FARS2: variants seen among roughly 807,000 people sequenced by gnomAD.
FARS2 encodes the protein phenylalanine--tRNA ligase, mitochondrial.
A neutral mutation model predicts 46.4 loss-of-function variants in FARS2; 40 were observed. The observed-to-expected ratio is 0.86, with a 90% CI of 0.67 to 1.12. The LOEUF (loss-of-function observed/expected upper bound fraction) is 1.12. FARS2 is among the 50% of genes most tolerant of loss of function. FARS2 has a pLI of 0.00. For missense variants in FARS2, 513 were observed against 567.9 expected, an observed-to-expected ratio of 0.90 and a Z score of 0.98; for synonymous variants, 234 against 214.9, an observed-to-expected ratio of 1.09 and a Z score of -0.78.
At chr6:5,467,202 T>C (rs1332260188) in intron 4 of FARS2, 2 of 480,676 alleles carry the variant, frequency 4.2e-6, no homozygotes, top group African/African-American at 4.2e-5. Flanking sequence ...AATAATTTAT[T>C]TTTTATTTTT....
At chr6:5,627,901 G>A (rs955942024) in intron 6 of FARS2, among the ~76,000 whole-genome samples, 31 of 152,152 alleles carry the variant, frequency 2.0e-4, no homozygotes, top group African/African-American at 7.5e-4. Flanking sequence ...TCTTGAAAGG[G>A]AGAAACTGAC....
chr6:5,672,103 G>C (rs1041699782), intron 6 of FARS2, among the ~76,000 whole-genome samples: 1 of 152,198 alleles, frequency 6.6e-6, no homozygotes, highest in South Asian at 2.1e-4. Context: ...GGAATCAGTC[G>C]GTAGCCGTGG....
intron 6 of FARS2, among the ~76,000 whole-genome samples, chr6:5,649,051 C>A (rs1215679205): frequency 6.6e-6 from 1 of 152,210 alleles, no homozygotes; most frequent in Non-Finnish European, 1.5e-5. Context: ...AGACTTACTA[C>A]AAAATGTCTT....
At chr6:5,260,517 C>A, upstream of FARS2, 5 of 1,260,336 alleles carry the variant, frequency 4.0e-6, no homozygotes, top group East Asian at 7.6e-5. Flanking sequence ...ATGGCGGAGC[C>A]CGGTCCTTGC....
chr6:5,301,846 C>CACACAA, intron 1 of FARS2, among the ~76,000 whole-genome samples: 1 of 143,366 alleles, frequency 7.0e-6, no homozygotes, highest in Non-Finnish European at 1.5e-5. Flanking sequence ...CACACACACA[C>CACACAA]AAAGAAAATG....
At chr6:5,495,669 A>C (rs1177320360) in intron 4 of FARS2, among the ~76,000 whole-genome samples, 1 of 152,214 alleles carries the variant, frequency 6.6e-6, no homozygotes, top group Non-Finnish European at 1.5e-5. Context: ...GATCATTAGA[A>C]AGTTTTATCC....
intron 4 of FARS2, among the ~76,000 whole-genome samples, chr6:5,479,572 C>A (rs570855309): frequency 6.6e-6 from 1 of 152,280 alleles, no homozygotes; most frequent in South Asian, 2.1e-4. Context: ...TCTTTCTGAT[C>A]CATAACTTCT....
chr6:5,489,182 G>A (rs1395357796), intron 4 of FARS2, among the ~76,000 whole-genome samples: 14 of 152,120 alleles, frequency 9.2e-5, no homozygotes, highest in East Asian at 5.8e-4. Flanking sequence ...GGCTGGGTGC[G>A]GTGGCTCACA....
intron 4 of FARS2, among the ~76,000 whole-genome samples, chr6:5,493,593 C>G (rs1015754430): frequency 6.6e-6 from 1 of 152,154 alleles, no homozygotes; most frequent in Non-Finnish European, 1.5e-5. Flanking sequence ...TAACTTCTAG[C>G]TGTATTGCCA....
At chr6:5,659,036 C>CCATTCT (rs1777728616) in intron 6 of FARS2, among the ~76,000 whole-genome samples, 1 of 152,194 alleles carries the variant, frequency 6.6e-6, no homozygotes, top group South Asian at 2.1e-4. Context: ...CCGCGTTGGA[C>CCATTCT]TACAGTTGTT....
intron 1 of FARS2, among the ~76,000 whole-genome samples, chr6:5,310,078 A>AATTAGATTATC (rs1282867802): frequency 6.6e-6 from 1 of 152,200 alleles, no homozygotes; most frequent in Non-Finnish European, 1.5e-5. Flanking sequence ...ATGGACCTGA[A>AATTAGATTATC]ATTAGATTAT....
intron 5 of FARS2, among the ~76,000 whole-genome samples, chr6:5,571,115 A>G (rs942422949): frequency 6.6e-6 from 1 of 152,258 alleles, no homozygotes; most frequent in Non-Finnish European, 1.5e-5. Flanking sequence ...AAAGGCAAAT[A>G]TGCAGCCGTT....
At chr6:5,283,506 G>A (rs1052031214) in intron 1 of FARS2, among the ~76,000 whole-genome samples, 4 of 145,474 alleles carry the variant, frequency 2.7e-5, no homozygotes, top group Admixed American at 7.0e-5. Context: ...CTGAGATTGC[G>A]CCACTGCACT....
At chr6:5,353,959 G>A (rs907298692) in intron 1 of FARS2, among the ~76,000 whole-genome samples, 2 of 147,788 alleles carry the variant, frequency 1.4e-5, no homozygotes, top group African/African-American at 2.5e-5. Flanking sequence ...TTTTTTAAAA[G>A]TGATTTCTTG....
At chr6:5,293,892 G>A (rs1767670137) in intron 1 of FARS2, among the ~76,000 whole-genome samples, 1 of 152,138 alleles carries the variant, frequency 6.6e-6, no homozygotes, top group African/African-American at 2.4e-5. Context: ...GAGGTGGCAG[G>A]TCTGCCACAG....
chr6:5,600,425 TA>T (rs1458001931), intron 5 of FARS2, among the ~76,000 whole-genome samples: 1 of 152,074 alleles, frequency 6.6e-6, no homozygotes, highest in African/African-American at 2.4e-5. Context: ...AAAGTAAGAA[TA>T]AAAACAAAAA....
intron 1 of FARS2, among the ~76,000 whole-genome samples, chr6:5,357,726 A>G (rs746564588): frequency 6.6e-5 from 10 of 152,250 alleles, no homozygotes; most frequent in Non-Finnish European, 1.2e-4. Flanking sequence ...CAATGGAAAT[A>G]GCAGGGGTGG....
intron 2 of FARS2, among the ~76,000 whole-genome samples, chr6:5,372,835 G>T (rs767238497): frequency 1.3e-5 from 2 of 152,012 alleles, no homozygotes; most frequent in Non-Finnish European, 2.9e-5. Context: ...CATATCTTTC[G>T]CTTTAGATAT....
chr6:5,354,466 CTGTT>C (rs1405177007), intron 1 of FARS2, among the ~76,000 whole-genome samples: 1 of 151,280 alleles, frequency 6.6e-6, no homozygotes, highest in Non-Finnish European at 1.5e-5. Flanking sequence ...TTTATATCCT[CTGTT>C]TAATAGTACA....
Sources: allele counts gnomAD v4.1 joint callset (sites outside exome capture counted in the v4.1 genomes callset), GRCh38; gene constraint gnomAD v4.1.1; transcripts MANE v1.5; gene names NCBI Gene and HGNC (gene_info 2026-07-23, HGNC 2026-07-21).